Variants in DHRS7 observed in about 807,000 individuals in gnomAD.
DHRS7 encodes the protein dehydrogenase/reductase SDR family member 7.
In DHRS7, 34 loss-of-function variants were observed where a neutral mutation model predicts 38.9. The observed-to-expected ratio is 0.87, with a 90% CI of 0.66 to 1.16. The LOEUF is 1.16. Among genes scored for constraint, DHRS7 ranks in the 50% most tolerant of loss-of-function variants. The pLI is 0.00. For missense variants in DHRS7, 421 were observed against 407.0 expected (o/e 1.03, Z -0.30); for synonymous variants, 158 against 153.1 (o/e 1.03, Z -0.24).
intron 4 of DHRS7, among the ~76,000 whole-genome samples, chr14:60,151,177 T>G (rs962152749): frequency 6.6e-6 from 1 of 152,186 alleles, no homozygotes; most frequent in Admixed American, 6.5e-5. Context: ...TTTATCTTTT[T>G]GGGTAATAAG....
intron 1 of DHRS7, among the ~76,000 whole-genome samples, chr14:60,163,693 TTAGAGA>T (rs1896807920): frequency 6.6e-6 from 1 of 152,224 alleles, no homozygotes; most frequent in African/African-American, 2.4e-5. Context: ...ACTTAGTAGC[TTAGAGA>T]TATTCATTCA....
At chr14:60,149,197 T>C in intron 6 of DHRS7, 156 bp downstream of exon 6, 1 of 672,072 alleles carries the variant, frequency 1.5e-6, no homozygotes, top group Non-Finnish European at 2.6e-6. Flanking sequence ...GGTCTTGAAC[T>C]CCTGGCCTCA....
rs770833155 is a variant in DHRS7, at chr14:60,149,365, A to G, written c.960T>C (p.Phe320=). The change falls in exon 6 of 7, where the codon TTT becomes TTC. Residue 320 remains phenylalanine, a synonymous_variant. Coordinates refer to ENST00000557185, the MANE Select transcript of DHRS7 (RefSeq NM_016029.4). Reference sequence around the variant, plus strand: ...AAATTGGTCTTACCACACCACTCTTAAAGTTCTCAATCCTTTTCTTCCCCA... The same window carrying G: ...AAATTGGTCTTACCACACCACTCTTGAAGTTCTCAATCCTTTTCTTCCCCA... The part of the protein sequence containing the change: ...NKMGKKRIEN[F]KSGVDADSSY... 13 of 1,613,990 alleles carry G rather than the reference A, an allele frequency of 8.1e-6. No homozygotes were observed. In the African/African-American group the frequency reaches 1.3e-4, roughly 17 times the overall value.
At chr14:60,159,022 G>C (rs186413784) in intron 1 of DHRS7, 32 of 431,802 alleles carry the variant, frequency 7.4e-5, no homozygotes, top group African/African-American at 5.6e-4. Flanking sequence ...TCCTCTCCCA[G>C]CACCTCAAAC....
At chr14:60,160,528 G>GTA (rs113670379) in intron 1 of DHRS7, among the ~76,000 whole-genome samples, 3,280 of 151,012 alleles carry the variant, frequency 0.022, 59 homozygotes, top group South Asian at 0.049. Flanking sequence ...CTGGCACAGA[G>GTA]TAGATCTTTT....
intron 1 of DHRS7, among the ~76,000 whole-genome samples, chr14:60,164,752 C>T (rs577597644): frequency 6.6e-6 from 1 of 152,278 alleles, no homozygotes; most frequent in East Asian, 1.9e-4. Flanking sequence ...GTAGAACGAC[C>T]GGGCTTCCGG....
chr14:60,163,506 C>T (rs1419942961), intron 1 of DHRS7, among the ~76,000 whole-genome samples: 1 of 152,132 alleles, frequency 6.6e-6, no homozygotes, highest in Non-Finnish European at 1.5e-5. Flanking sequence ...ATTTATCAAA[C>T]TACATGTGCA....
rs200185187 is a variant in DHRS7 at position 60,165,282 on chromosome 14, G to A, written c.28C>T (p.Leu10=). The change falls in exon 1 of 7, where the codon CTG becomes TTG. Residue 10 remains leucine, a synonymous_variant. Transcript: ENST00000557185. The surrounding 1 kb of genome is among the most constrained non-coding windows in gnomAD (Gnocchi z 4.6). Reference sequence around the variant, plus strand: ...AGCAGGAGCAGCGCGCACAGCACCAGCAGCCACAGCAGCAGCTCCCAGTTC... The same window carrying A: ...AGCAGGAGCAGCGCGCACAGCACCAACAGCCACAGCAGCAGCTCCCAGTTC... The part of the protein sequence containing the change: MNWELLLWL[L]VLCALLLLLV... 2.5e-6 allele frequency: 4 copies of A among 1,595,618 alleles called. No individual in the cohort carries two copies. The highest frequency in any genetic ancestry group is 1.3e-5 in the African/African-American group (1 of 74,746).
intron 1 of DHRS7, among the ~76,000 whole-genome samples, chr14:60,163,921 A>G (rs1006152678): frequency 8.5e-5 from 13 of 152,322 alleles, no homozygotes; most frequent in Middle Eastern, 3.4e-3. Flanking sequence ...AGGTGGAACA[A>G]TCGATCAAGA....
upstream of DHRS7, among the ~76,000 whole-genome samples, chr14:60,166,837 T>G (rs572674584): frequency 6.6e-6 from 1 of 152,354 alleles, no homozygotes; most frequent in South Asian, 2.1e-4. Context: ...ATCTGATGCT[T>G]CTTTTGAAGA....
At chr14:60,149,592 GA>G (rs780059429) in intron 5 of DHRS7, 24 bp from the exon 6 acceptor site, 1 of 1,550,360 alleles carries the variant, frequency 6.5e-7, no homozygotes, top group South Asian at 1.2e-5. Context: ...AAAATTAAGT[GA>G]ATTTATCCAA....
Position 60,165,134 on chromosome 14 carries a change from G to A in DHRS7, c.133+43C>T, listed in dbSNP as rs1479866287. The A allele has an allele frequency of 1.5e-5, 24 of 1,605,370 alleles. No individual in the cohort carries two copies. Among genetic ancestry groups the A allele is most frequent in the Non-Finnish European group, 1.9e-5 (22 of 1,177,108 alleles). On this transcript the variant is annotated intron_variant, in intron 1 of 6. Transcript: ENST00000557185. This position sits in a 1 kb window ranked among gnomAD's most constrained non-coding sequence, Gnocchi z 4.6. ...GACCCGGACACGCCTCGGCAGCTCC[G>A]AGCCCGGCCTCCCACTCGGGAGAGG...
At chr14:60,152,119 A>G (rs1896558677) in intron 4 of DHRS7, among the ~76,000 whole-genome samples, 1 of 152,226 alleles carries the variant, frequency 6.6e-6, no homozygotes, top group Middle Eastern at 3.2e-3. Flanking sequence ...AACCATGATG[A>G]CCATGTAGCT....
At position 60,149,531 on chromosome 14, in the gene DHRS7, G is replaced by T. The variant is rs946394402; in HGVS notation, c.794C>A (p.Thr265Lys). 1 of 1,613,822 alleles carries T rather than the reference G, an allele frequency of 6.2e-7. No homozygotes were observed. Among genetic ancestry groups the T allele is most frequent in the Admixed American group, 1.7e-5 (1 of 59,980 alleles). ...GNNGDQSHKM[T>K]TSRCVRLMLI... Reference sequence around the variant, plus strand: ...CATCAGCCGCACACAACGACTGGTTGTCATCTTGTGGGACTGGTCTCCATT... The same window carrying T: ...CATCAGCCGCACACAACGACTGGTTTTCATCTTGTGGGACTGGTCTCCATT... Residue 265 changes from threonine to lysine, a missense_variant, in exon 6 of 7, where the codon ACA (threonine) becomes AAA (lysine). By Grantham distance (78) the Thr-to-Lys change is moderately conservative. Coordinates refer to ENST00000557185, the MANE Select transcript of DHRS7 (RefSeq NM_016029.4).
chr14:60,158,647 TTCC>T (rs1053042985), intron 1 of DHRS7, among the ~76,000 whole-genome samples: 9 of 152,218 alleles, frequency 5.9e-5, no homozygotes, highest in Middle Eastern at 3.2e-3. Context: ...TGTTTCCCGA[TTCC>T]ACAGAATCTG....
Position 60,162,796 on chromosome 14 carries a change from A to G in DHRS7, c.133+2381T>C, listed in dbSNP as rs1896789364. Among the ~76,000 whole-genome samples the G allele has an allele frequency of 6.6e-6, 1 of 152,188 alleles. No homozygotes were observed. Among genetic ancestry groups the G allele is most frequent in the Non-Finnish European group, 1.5e-5 (1 of 68,040 alleles). Reference sequence around the variant, plus strand: ...TTTTTCCCCTAAAACTCTCCTGTGAAATGTTAATTCCACAGATATACTGTA... The same window carrying G: ...TTTTTCCCCTAAAACTCTCCTGTGAGATGTTAATTCCACAGATATACTGTA... On this transcript the variant is annotated intron_variant, in intron 1 of 6. Coordinates refer to ENST00000557185, the MANE Select transcript of DHRS7 (RefSeq NM_016029.4). The surrounding 1 kb of genome is among the most constrained non-coding windows in gnomAD (Gnocchi z 4.5).
rs1286041627 is a variant in DHRS7 at position 60,144,284 on chromosome 14, A to G, written c.*682T>C. 2.0e-5 allele frequency: 3 copies of G among 152,100 alleles called. No homozygotes were observed. Among genetic ancestry groups the G allele is most frequent in the Admixed American group, 1.3e-4 (2 of 15,258 alleles). 9.4% of individuals were successfully genotyped at this position (152,100 alleles called of 1,614,324 possible). On this transcript the variant is annotated 3_prime_UTR_variant, in exon 7 of 7. Coordinates refer to ENST00000557185, the MANE Select transcript of DHRS7 (RefSeq NM_016029.4). ...TCTTTATATCTGGTCATTACCCAGC[A>G]CTCTGCTTTGTGTGAAATATTCTAT...
rs1314692405 is a variant in DHRS7, at chr14:60,145,844, T to C, written c.973-831A>G. The stretch of plus-strand genomic sequence containing the variant: ...AAAGACAAAATAATAATAATGATAA[T>C]ACAAAATTCAGTGTAGCCACTGTTC... On this transcript the variant is annotated intron_variant, in intron 6 of 6. Transcript: ENST00000557185. The surrounding 1 kb of genome is among the most constrained non-coding windows in gnomAD (Gnocchi z 4.0). 3.9e-5 allele frequency: 6 copies of C among 151,924 alleles called. No individual in the cohort carries two copies. Among genetic ancestry groups the C allele is most frequent in the Admixed American group, 2.0e-4 (3 of 15,250 alleles). 9.4% of individuals were successfully genotyped at this position (151,924 alleles called of 1,614,324 possible).
Position 60,149,398 on chromosome 14 carries a change from G to C in DHRS7, c.927C>G (p.Thr309=), listed in dbSNP as rs765793400. 1.2e-6 allele frequency: 2 copies of C among 1,613,964 alleles called. No homozygotes were observed. The highest frequency in any genetic ancestry group is 1.7e-6 in the Non-Finnish European group (2 of 1,180,012). Residue 309 remains threonine (T), a synonymous_variant, in exon 6 of 7, where the codon ACC becomes ACG. Coordinates refer to ENST00000557185, the MANE Select transcript of DHRS7 (RefSeq NM_016029.4). ...QYMPTWAWWI[T]NKMGKKRIEN... ...CAATCCTTTTCTTCCCCATCTTGTTGGTTATCCACCAGGCCCAGGTTGGCA... is the reference window on the plus strand; with the variant it reads ...CAATCCTTTTCTTCCCCATCTTGTTCGTTATCCACCAGGCCCAGGTTGGCA...
Sources: allele counts gnomAD v4.1 joint callset (sites outside exome capture counted in the v4.1 genomes callset), GRCh38; gene constraint gnomAD v4.1.1; non-coding constraint Gnocchi (gnomAD v3.1); transcripts MANE v1.5; gene names NCBI Gene and HGNC (gene_info 2026-07-23, HGNC 2026-07-21).